The following LOC128462377 variants were observed in gnomAD, a reference collection of about 807,000 sequenced individuals.
At chr16:89,416,244 G>A in the LOC128462377 span, among the ~76,000 whole-genome samples, 2 of 152,110 alleles carry the variant, frequency 1.3e-5, no homozygotes, top group African/African-American at 2.4e-5. Flanking sequence ...CCTGTCAGCA[G>A]AGTTGCTGAT....
At chr16:89,387,326 G>C in the LOC128462377 span, among the ~76,000 whole-genome samples, 3 of 152,072 alleles carry the variant, frequency 2.0e-5, no homozygotes, top group Non-Finnish European at 2.9e-5. Context: ...GGGGACAGCA[G>C]AGGGATAGTC....
the LOC128462377 span, chr16:89,360,776 C>G: frequency 1.3e-5 from 2 of 152,222 alleles, no homozygotes; most frequent in African/African-American, 4.8e-5. Flanking sequence ...GAAAAGATTT[C>G]GATTCACTAA....
chr16:89,341,096 C>G, the LOC128462377 span, among the ~76,000 whole-genome samples: 77 of 152,288 alleles, frequency 5.1e-4, no homozygotes, highest in Middle Eastern at 6.8e-3. Flanking sequence ...TAACCCAAGT[C>G]ATGTGGACTG....
At chr16:89,340,051 C>T in the LOC128462377 span, 1 of 152,206 alleles carries the variant, frequency 6.6e-6, no homozygotes, top group African/African-American at 2.4e-5. Flanking sequence ...ATCCATTCTC[C>T]TGTTGACTAA....
chr16:89,398,465 C>T, the LOC128462377 span, among the ~76,000 whole-genome samples: 3 of 145,792 alleles, frequency 2.1e-5, no homozygotes, highest in Admixed American at 6.6e-5. Context: ...TTACCTGTAA[C>T]CTCAGCACTC....
chr16:89,352,417 T>C, the LOC128462377 span, among the ~76,000 whole-genome samples: 1 of 151,000 alleles, frequency 6.6e-6, no homozygotes, highest in Non-Finnish European at 1.5e-5. Context: ...GACGCCCTCC[T>C]GCTCTCAGGT....
chr16:89,324,625 G>A, the LOC128462377 span: 213 of 412,482 alleles, frequency 5.2e-4, 1 homozygote, highest in African/African-American at 4.0e-3. Flanking sequence ...CGGAAGCACT[G>A]GACTGGCTGA....
At chr16:89,391,956 C>T in the LOC128462377 span, among the ~76,000 whole-genome samples, 5 of 152,348 alleles carry the variant, frequency 3.3e-5, no homozygotes, top group African/African-American at 7.2e-5. Context: ...CATTAGGTCA[C>T]GGCCTGTTCC....
At chr16:89,334,758 C>T in the LOC128462377 span, among the ~76,000 whole-genome samples, 1 of 152,110 alleles carries the variant, frequency 6.6e-6, no homozygotes, top group African/African-American at 2.4e-5. Flanking sequence ...GTGCAAAACA[C>T]CCTCAAACTG....
chr16:89,397,185 C>A, the LOC128462377 span, among the ~76,000 whole-genome samples: 74 of 152,290 alleles, frequency 4.9e-4, 1 homozygote, highest in South Asian at 4.8e-3. Flanking sequence ...TCCTCCACGT[C>A]CAACGGCGTC....
At chr16:89,411,348 C>T in the LOC128462377 span, among the ~76,000 whole-genome samples, 8 of 152,214 alleles carry the variant, frequency 5.3e-5, no homozygotes, top group Non-Finnish European at 7.3e-5. Flanking sequence ...CTTGACTGCA[C>T]CGGAAGAGGA....
chr16:89,360,527 T>C, the LOC128462377 span: 2 of 152,234 alleles, frequency 1.3e-5, no homozygotes, highest in Non-Finnish European at 2.9e-5. Flanking sequence ...TATTGTTATG[T>C]GCATTAGCCA....
At chr16:89,392,208 G>A in the LOC128462377 span, among the ~76,000 whole-genome samples, 27 of 152,298 alleles carry the variant, frequency 1.8e-4, no homozygotes, top group Admixed American at 1.1e-3. Context: ...GTGTACTCTC[G>A]TGGCAAAACT....
the LOC128462377 span, among the ~76,000 whole-genome samples, chr16:89,387,448 A>G: frequency 2.0e-5 from 3 of 150,514 alleles, no homozygotes; most frequent in Middle Eastern, 3.3e-3. Context: ...TGAGGCGGGC[A>G]GATCACGAGG....
chr16:89,325,576 T>C, the LOC128462377 span, among the ~76,000 whole-genome samples: 1 of 152,172 alleles, frequency 6.6e-6, no homozygotes, highest in South Asian at 2.1e-4. Context: ...TAGGGATGCA[T>C]ACTTAGTTGA....
chr16:89,323,191 AG>A, the LOC128462377 span: 1 of 685,904 alleles, frequency 1.5e-6, no homozygotes, highest in African/African-American at 1.9e-5. Context: ...CACACCTCAC[AG>A]GGAGAGAAGT....
chr16:89,417,569 C>G, the LOC128462377 span, among the ~76,000 whole-genome samples: 14 of 152,120 alleles, frequency 9.2e-5, no homozygotes, highest in Admixed American at 6.5e-4. Context: ...GGAGTCAGGG[C>G]TGGCGAACCA....
chr16:89,361,709 A>C, the LOC128462377 span: 1 of 152,256 alleles, frequency 6.6e-6, no homozygotes, highest in Non-Finnish European at 1.5e-5. Context: ...GAAGATCACC[A>C]CCCAGAAATA....
chr16:89,364,890 G>A, the LOC128462377 span, among the ~76,000 whole-genome samples: 1 of 152,160 alleles, frequency 6.6e-6, no homozygotes, highest in African/African-American at 2.4e-5. Context: ...GATGGCCCAG[G>A]GAAAAGCCTC....
Sources: allele counts gnomAD v4.1 joint callset (sites outside exome capture counted in the v4.1 genomes callset), GRCh38; gene constraint gnomAD v4.1.1; transcripts MANE v1.5.